Variants in PTK2 observed in about 807,000 individuals in gnomAD.
PTK2 encodes the protein protein tyrosine kinase 2, also known as focal adhesion kinase 1.
PTK2 carries 45 observed loss-of-function variants against 150.1 expected under a neutral mutation model. That is an observed-to-expected ratio of 0.30 (90% CI 0.24 to 0.38). The LOEUF is 0.38. PTK2 is among the 10% of genes least tolerant of loss of function. The probability of loss-of-function intolerance (pLI) is 1.00; values close to 1 mark genes in which losing one functional copy is unlikely to be tolerated. For missense variants in PTK2, 919 were observed against 1,307.3 expected (o/e 0.70, Z 4.58); for synonymous variants, 432 against 449.2 (o/e 0.96, Z 0.48).
chr8:140,879,005 ACACT>A (rs967982558), intron 4 of PTK2, among the ~76,000 whole-genome samples: 1 of 152,170 alleles, frequency 6.6e-6, no homozygotes, highest in Non-Finnish European at 1.5e-5. Flanking sequence ...TATCAAATAT[ACACT>A]CACTCTTTGT....
At chr8:140,732,567 G>A (rs767959731) in intron 22 of PTK2, 5 of 529,956 alleles carry the variant, frequency 9.4e-6, no homozygotes, top group East Asian at 5.5e-5. Flanking sequence ...CAACACCGAG[G>A]TGAGTATGAC....
At chr8:140,789,385 G>C in intron 14 of PTK2, 89 bp downstream of exon 14, 2 of 1,307,952 alleles carry the variant, frequency 1.5e-6, no homozygotes, top group South Asian at 3.0e-5. Flanking sequence ...AGCTATTCTA[G>C]AACGAAGCAA....
At position 140,760,959 on chromosome 8, in the gene PTK2, C is replaced by A. The variant is rs959432123; in HGVS notation, c.1332+206G>T. Among the ~76,000 whole-genome samples the A allele has an allele frequency of 3.9e-5, 6 of 152,290 alleles. No individual in the cohort carries two copies. The East Asian group carries it at 1.2e-3, about 29-fold the overall frequency. On this transcript the variant is annotated intron_variant, in intron 16 of 31. Coordinates refer to ENST00000522684, the Ensembl canonical transcript of PTK2. ...CTGAAAGATTAAAATGAATAAAAGACAGGCCCAGCCTTGTAGGAGCTAATG... is the reference window on the plus strand; with the variant it reads ...CTGAAAGATTAAAATGAATAAAAGAAAGGCCCAGCCTTGTAGGAGCTAATG...
chr8:140,694,494 G>T (rs2100025283), intron 26 of PTK2, among the ~76,000 whole-genome samples: 1 of 152,140 alleles, frequency 6.6e-6, no homozygotes, highest in Admixed American at 6.5e-5. Context: ...TAGAAAGAAA[G>T]ATACAAACTG....
At chr8:140,740,916 G>A (rs1799204563) in intron 20 of PTK2, among the ~76,000 whole-genome samples, 1 of 152,124 alleles carries the variant, frequency 6.6e-6, no homozygotes, top group Non-Finnish European at 1.5e-5. Flanking sequence ...GCCAAGGTGG[G>A]AAGATCGCTT....
chr8:140,698,525 C>T lies in PTK2; in HGVS notation c.2499+2366G>A, dbSNP rs375611148. 1.1e-4 allele frequency among the ~76,000 whole-genome samples: 16 copies of T among 152,168 alleles called. No homozygotes were observed. The East Asian group carries it at 1.5e-3, about 15-fold the overall frequency. On this transcript the variant is annotated intron_variant, in intron 26 of 31. Coordinates refer to ENST00000522684, the Ensembl canonical transcript of PTK2. Reference sequence around the variant, plus strand: ...CTGGAGTGCAGTGGTACCATCTTGGCTCACTGCAACCACCACCTCCTGGGT... The same window carrying T: ...CTGGAGTGCAGTGGTACCATCTTGGTTCACTGCAACCACCACCTCCTGGGT...
At chr8:140,764,340 C>T (rs1214057468) in intron 14 of PTK2, 50 bp from the exon 17 acceptor site, 2 of 1,356,230 alleles carry the variant, frequency 1.5e-6, no homozygotes, top group Non-Finnish European at 2.1e-6. Context: ...ATCTGACCTC[C>T]TGGTATTTCA....
intron 3 of PTK2, among the ~76,000 whole-genome samples, chr8:140,880,691 A>C (rs1366420520): frequency 6.6e-6 from 1 of 152,264 alleles, no homozygotes; most frequent in Non-Finnish European, 1.5e-5. Flanking sequence ...GCACTCATCA[A>C]GTATTGCTTT....
At chr8:140,727,079 A>G (rs1000845391) in intron 22 of PTK2, among the ~76,000 whole-genome samples, 1 of 152,226 alleles carries the variant, frequency 6.6e-6, no homozygotes, top group African/African-American at 2.4e-5. Context: ...AAAACATAAT[A>G]CAAAAGGTAT....
chr8:140,739,854 C>G (rs1399608301), intron 20 of PTK2, among the ~76,000 whole-genome samples: 6 of 152,190 alleles, frequency 3.9e-5, no homozygotes, highest in Non-Finnish European at 8.8e-5. Context: ...CCTTGCTGAA[C>G]CTCAGCTGCA....
At chr8:140,776,176 A>G (rs966271661) in intron 14 of PTK2, among the ~76,000 whole-genome samples, 2 of 152,084 alleles carry the variant, frequency 1.3e-5, no homozygotes, top group East Asian at 1.9e-4. Context: ...GTTAATTTTT[A>G]TATTTTTAAT....
intron 14 of PTK2, among the ~76,000 whole-genome samples, chr8:140,781,203 AAG>A (rs2100081467): frequency 2.0e-5 from 3 of 152,206 alleles, no homozygotes; most frequent in African/African-American, 4.8e-5. Context: ...ATTTTCTGCA[AAG>A]AAAAAAATAA....
At chr8:140,925,219 T>TA (rs948080913) in intron 2 of PTK2, among the ~76,000 whole-genome samples, 2 of 151,634 alleles carry the variant, frequency 1.3e-5, no homozygotes, top group African/African-American at 2.4e-5. Context: ...AGGAGGAATG[T>TA]AAAAAAAAAT....
chr8:140,678,262 G>A (rs1026008750), intron 27 of PTK2, among the ~76,000 whole-genome samples: 1 of 152,192 alleles, frequency 6.6e-6, no homozygotes, highest in African/African-American at 2.4e-5. Flanking sequence ...TGGCCAGGCT[G>A]GTCTCAAACT....
chr8:140,798,644 G>A lies in PTK2; in HGVS notation c.1093+1815C>T, dbSNP rs375250535. ...AAGGCTCATTTAATGCCTGACATCC[G>A]AATGTTATTTTTAAATGTGTATGTC... On this transcript the variant is annotated intron_variant, in intron 12 of 31. Coordinates refer to ENST00000522684, the Ensembl canonical transcript of PTK2. Among the ~76,000 whole-genome samples, 10 of 152,204 alleles carry A rather than the reference G, an allele frequency of 6.6e-5. No individual in the cohort carries two copies. In the East Asian group the frequency reaches 1.5e-3, roughly 23 times the overall value.
intron 21 of PTK2, 47 bp downstream of exon 24, chr8:140,738,969 CAT>C: frequency 1.6e-6 from 2 of 1,280,728 alleles, no homozygotes; most frequent in Middle Eastern, 2.5e-4. Context: ...TTTTGTATAA[CAT>C]ATGAAATATA....
At chr8:140,832,962 A>G (rs2154603112) in intron 7 of PTK2, 1 of 519,048 alleles carries the variant, frequency 1.9e-6, no homozygotes, top group Non-Finnish European at 3.8e-6. Flanking sequence ...GTGGCTGTCA[A>G]CTGCTATTAA....
At chr8:140,807,949 G>A (rs903167409) in intron 10 of PTK2, among the ~76,000 whole-genome samples, 2 of 152,162 alleles carry the variant, frequency 1.3e-5, no homozygotes, top group Non-Finnish European at 2.9e-5. Context: ...GGCATTGAGG[G>A]GTGGACGGTG....
intron 3 of PTK2, among the ~76,000 whole-genome samples, chr8:140,882,612 G>C (rs1335575493): frequency 6.6e-6 from 1 of 152,076 alleles, no homozygotes; most frequent in Non-Finnish European, 1.5e-5. Flanking sequence ...TCTTTTCAAG[G>C]TTAAAATAAA....
Sources: allele counts gnomAD v4.1 joint callset (sites outside exome capture counted in the v4.1 genomes callset), GRCh38; gene constraint gnomAD v4.1.1; transcripts MANE v1.5; gene names NCBI Gene and HGNC (gene_info 2026-07-23, HGNC 2026-07-21).